Variants in OSBPL10 observed in about 807,000 individuals in gnomAD.
OSBPL10 encodes the protein oxysterol binding protein like 10, also known as oxysterol-binding protein-related protein 10.
Under a neutral mutation model 81.7 loss-of-function variants are expected in OSBPL10, and 49 were observed. The observed-to-expected ratio is 0.60, with a 90% CI of 0.48 to 0.76. The LOEUF (loss-of-function observed/expected upper bound fraction) is 0.76, where lower values mean the gene tolerates loss of function less well. OSBPL10 is among the 30% of genes least tolerant of loss of function. The pLI, the probability that OSBPL10 is intolerant of heterozygous loss-of-function variation, is 0.00. For synonymous variants in OSBPL10, 419 were observed against 383.6 expected, an observed-to-expected ratio of 1.09 and a Z score of -1.08; for missense variants, 923 against 987.8, an observed-to-expected ratio of 0.93 and a Z score of 0.88.
chr3:31,671,495 A>T (rs55734945), intron 8 of OSBPL10, among the ~76,000 whole-genome samples: 1,756 of 152,290 alleles, frequency 0.012, 36 homozygotes, highest in African/African-American at 0.041. Context: ...TGACCAAGTC[A>T]GCAGGGGTCA....
intron 1 of OSBPL10, among the ~76,000 whole-genome samples, chr3:31,899,473 C>A (rs896874267): frequency 6.6e-6 from 1 of 152,058 alleles, no homozygotes; most frequent in African/African-American, 2.4e-5. Context: ...CATGTCCAAA[C>A]GTATTAATCA....
upstream of OSBPL10, among the ~76,000 whole-genome samples, chr3:31,982,234 C>T (rs1698865350): frequency 6.6e-6 from 1 of 152,116 alleles, no homozygotes; most frequent in African/African-American, 2.4e-5. Flanking sequence ...CTTCTGCGCC[C>T]CTCTTCCTAC....
chr3:31,668,250 G>A (rs555359333), intron 10 of OSBPL10, among the ~76,000 whole-genome samples: 5 of 152,180 alleles, frequency 3.3e-5, no homozygotes, highest in African/African-American at 9.6e-5. Context: ...ACCTTTCCCA[G>A]CATTTAATTT....
chr3:31,893,951 C>G (rs1695981158), intron 1 of OSBPL10, among the ~76,000 whole-genome samples: 1 of 152,106 alleles, frequency 6.6e-6, no homozygotes, highest in South Asian at 2.1e-4. Context: ...AGTTACAAAA[C>G]TATATAAATT....
chr3:32,043,992 C>A (rs1047543323), intron 2 of OSBPL10, among the ~76,000 whole-genome samples: 1 of 152,162 alleles, frequency 6.6e-6, no homozygotes, highest in African/African-American at 2.4e-5. Flanking sequence ...ACTGTGCTCA[C>A]TACCTATTGG....
chr3:31,970,785 C>G (rs9882180), intron 1 of OSBPL10, among the ~76,000 whole-genome samples: 34,898 of 149,922 alleles, frequency 0.23, 6,395 homozygotes, highest in African/African-American at 0.5. Flanking sequence ...GGCTTAAGAG[C>G]TTCTTCAGAA....
intron 1 of OSBPL10, among the ~76,000 whole-genome samples, chr3:31,938,102 G>A (rs371232065): frequency 6.6e-5 from 10 of 152,000 alleles, no homozygotes; most frequent in African/African-American, 2.4e-4. Context: ...TTGACCCTAC[G>A]AACTCCTTCC....
At chr3:31,815,740 C>G (rs574329485) in intron 4 of OSBPL10, among the ~76,000 whole-genome samples, 2 of 152,264 alleles carry the variant, frequency 1.3e-5, no homozygotes, top group Non-Finnish European at 1.5e-5. Flanking sequence ...CCTCTGGAGA[C>G]AAAACCAAGA....
chr3:31,873,189 T>C (rs549594682), intron 3 of OSBPL10, among the ~76,000 whole-genome samples: 1 of 152,300 alleles, frequency 6.6e-6, no homozygotes, highest in East Asian at 1.9e-4. Flanking sequence ...TTAAATTTTA[T>C]TGTATGCAAA....
chr3:31,836,461 G>A (rs1700359306), intron 3 of OSBPL10, among the ~76,000 whole-genome samples: 1 of 152,048 alleles, frequency 6.6e-6, no homozygotes. Flanking sequence ...TGCAAATAGT[G>A]GGAAACAAAA....
intron 1 of OSBPL10, among the ~76,000 whole-genome samples, chr3:31,945,908 A>G (rs933854666): frequency 3.9e-5 from 6 of 152,196 alleles, no homozygotes; most frequent in African/African-American, 1.4e-4. Flanking sequence ...AAACTACTTA[A>G]GGCATTACTC....
At chr3:31,822,102 C>T (rs1231765811) in intron 4 of OSBPL10, 2 of 152,206 alleles carry the variant, frequency 1.3e-5, no homozygotes, top group Non-Finnish European at 2.9e-5. Flanking sequence ...GGTGAGATGA[C>T]ATAAACACAC....
chr3:31,768,274 G>A (rs1379218387), intron 4 of OSBPL10, among the ~76,000 whole-genome samples: 1 of 152,138 alleles, frequency 6.6e-6, no homozygotes, highest in Admixed American at 6.6e-5. Context: ...GTTTTGGTAG[G>A]CATCTCTTTT....
intron 2 of OSBPL10, among the ~76,000 whole-genome samples, chr3:32,013,104 T>G (rs1249469848): frequency 6.6e-6 from 1 of 152,126 alleles, no homozygotes; most frequent in Admixed American, 6.6e-5. Flanking sequence ...CTAATAGACA[T>G]CTACAGAACT....
intron 6 of OSBPL10, among the ~76,000 whole-genome samples, chr3:31,710,255 G>A (rs955901516): frequency 6.7e-6 from 1 of 148,662 alleles, no homozygotes; most frequent in African/African-American, 2.4e-5. Flanking sequence ...GGCAAAGCGT[G>A]TAAAGCACTG....
At chr3:31,694,093 G>A (rs992574420) in intron 7 of OSBPL10, among the ~76,000 whole-genome samples, 4 of 152,098 alleles carry the variant, frequency 2.6e-5, no homozygotes, top group African/African-American at 7.2e-5. Flanking sequence ...TTTGCTGGCC[G>A]GGTGCAAAGG....
chr3:31,774,637 C>G (rs564202191), intron 4 of OSBPL10, among the ~76,000 whole-genome samples: 3 of 151,930 alleles, frequency 2.0e-5, no homozygotes, highest in Non-Finnish European at 2.9e-5. Context: ...CTCAGCTTCT[C>G]GAGTAGCTGG....
In OSBPL10 at chr3:31,797,680, TAC is replaced by T. The variant is rs147708406; in HGVS notation, c.729+32358_729+32359del. On this transcript the variant is annotated intron_variant, in intron 4 of 11. Transcript: ENST00000396556. ...CCACATAAAAGAGGGTACATTAAAA[TAC>T]ACACACAGTTTTTTTATATGTACCA... 7.6e-3 allele frequency: 3,011 copies of T among 397,746 alleles called. 69 individuals carry two copies. The highest frequency in any genetic ancestry group is 0.055 in the African/African-American group (2,662 of 48,022). The allele number at this position is 397,746 out of a possible 1,614,324, so 24.6% of individuals were successfully genotyped here. A position where few individuals can be genotyped will look rare whatever the true frequency, so the allele number is the denominator to read the frequency against.
chr3:31,663,030 AGTG>A, intron 11 of OSBPL10: 7 of 985,462 alleles, frequency 7.1e-6, no homozygotes, highest in Non-Finnish European at 7.2e-6. Context: ...TGGGGAGAAC[AGTG>A]GTGGCTTCCT....
Sources: gnomAD v4.1 joint callset for allele counts (sites outside exome capture counted in the v4.1 genomes callset) on GRCh38, gnomAD v4.1.1 for gene constraint, MANE v1.5 for transcripts, NCBI Gene and HGNC (gene_info 2026-07-23, HGNC 2026-07-21) for gene names.